Variants in BABAM2 observed in about 807,000 individuals in gnomAD.
BABAM2 encodes the protein BRISC and BRCA1-A complex member 2.
In BABAM2, 31 loss-of-function variants were observed where a neutral mutation model predicts 54.7. That is an observed-to-expected ratio of 0.57 (90% CI 0.43 to 0.77). The LOEUF (loss-of-function observed/expected upper bound fraction) is 0.77. Among genes scored for constraint, BABAM2 ranks in the 30% least tolerant of loss-of-function variants. The pLI is 0.00. For synonymous variants in BABAM2, 167 were observed against 162.9 expected (o/e 1.03, Z -0.19); for missense variants, 364 against 455.8 (o/e 0.80, Z 1.83).
At chr2:28,005,715 A>G (rs1673906936) in intron 4 of BABAM2, among the ~76,000 whole-genome samples, 1 of 152,124 alleles carries the variant, frequency 6.6e-6, no homozygotes, top group Admixed American at 6.5e-5. Context: ...ATTAATTACA[A>G]CTGTAGAATT....
intron 11 of BABAM2, among the ~76,000 whole-genome samples, chr2:28,316,407 A>G (rs192901272): frequency 0.09 from 1,229 of 13,706 alleles, 42 homozygotes; most frequent in African/African-American, 0.18. Flanking sequence ...TGGGGGTGGG[A>G]GTGGGGGTGG....
At chr2:27,943,570 G>A (rs573052255) in intron 3 of BABAM2, among the ~76,000 whole-genome samples, 1 of 152,284 alleles carries the variant, frequency 6.6e-6, no homozygotes, top group East Asian at 1.9e-4. Flanking sequence ...CTATTTAGGA[G>A]GCTCCCTAGA....
chr2:28,290,519 T>C (rs1390498362), intron 10 of BABAM2, among the ~76,000 whole-genome samples: 2 of 152,242 alleles, frequency 1.3e-5, no homozygotes, highest in South Asian at 2.1e-4. Context: ...TGGAAGTTCA[T>C]TGAGGTTTTA....
At chr2:28,335,579 A>G (rs1010755547) in intron 11 of BABAM2, among the ~76,000 whole-genome samples, 7 of 152,230 alleles carry the variant, frequency 4.6e-5, no homozygotes, top group African/African-American at 1.4e-4. Flanking sequence ...AGTGCTTTCT[A>G]CACTGAGCCA....
rs186336050 is a variant in BABAM2 at position 28,275,289 on chromosome 2, C to A, written c.935-23049C>A. 1.5e-3 allele frequency among the ~76,000 whole-genome samples: 229 copies of A among 152,334 alleles called. 2 individuals are homozygous for A. Among genetic ancestry groups the A allele is most frequent in the Admixed American group, 5.5e-3 (84 of 15,300 alleles). On this transcript the variant is annotated intron_variant, in intron 10 of 11. Coordinates refer to ENST00000379624, the MANE Select transcript of BABAM2 (RefSeq NM_199191.3). ...GCCTGTTGGTATTAGTAATTTCATT[C>A]CTGGCCAAACATGAATGAGAAATCC...
intron 5 of BABAM2, among the ~76,000 whole-genome samples, chr2:28,029,434 TATGG>T (rs762587530): frequency 4.9e-4 from 74 of 152,324 alleles, no homozygotes; most frequent in Non-Finnish European, 1.0e-3. Flanking sequence ...AGATACTTCA[TATGG>T]GTAGAATTGT....
chr2:28,088,386 T>C (rs1573553387), intron 6 of BABAM2, among the ~76,000 whole-genome samples: 1 of 152,348 alleles, frequency 6.6e-6, no homozygotes, highest in Admixed American at 6.5e-5. Flanking sequence ...GTGACTGCCA[T>C]AGTTCTTTAC....
Position 28,252,796 on chromosome 2 carries a change from T to C in BABAM2, c.934+7934T>C, listed in dbSNP as rs142925010. On this transcript the variant is annotated intron_variant, in intron 10 of 11. Coordinates refer to ENST00000379624, the MANE Select transcript of BABAM2 (RefSeq NM_199191.3). ...TATGTTGTATGAATCTTTTCAGTTG[T>C]AATTATTGGATTAAGTAATTGCCAA... Among the ~76,000 whole-genome samples the C allele has an allele frequency of 4.6e-3, 700 of 152,376 alleles. 6 individuals carry two copies. The highest frequency in any genetic ancestry group is 0.016 in the African/African-American group (671 of 41,588).
intron 11 of BABAM2, among the ~76,000 whole-genome samples, chr2:28,311,379 G>A (rs920725254): frequency 6.6e-6 from 1 of 152,150 alleles, no homozygotes; most frequent in African/African-American, 2.4e-5. Flanking sequence ...TTGTGAGTTA[G>A]GGTCACGTAT....
In BABAM2 at chr2:28,112,083, C is replaced by CTT. The variant is rs1491267107; in HGVS notation, c.571-17187_571-17186insTT. Among the ~76,000 whole-genome samples the CTT allele has an allele frequency of 1.2e-4, 12 of 98,812 alleles. No homozygotes were observed. The East Asian group carries it at 1.5e-3, about 12-fold the overall frequency. The allele number at this position is 98,812 out of a possible 152,430, so 64.8% of individuals were successfully genotyped here. A position where few individuals can be genotyped will look rare whatever the true frequency, so the allele number is the denominator to read the frequency against. ...ATACTTTTTCTTGAGATACCCATTACTCTTTCTTTCTTTCTTTCTTTCTTT... is the reference window on the plus strand; with the variant it reads ...ATACTTTTTCTTGAGATACCCATTACTTTCTTTCTTTCTTTCTTTCTTTCTTT... On this transcript the variant is annotated intron_variant, in intron 6 of 11. Coordinates refer to ENST00000379624, the MANE Select transcript of BABAM2 (RefSeq NM_199191.3).
At chr2:27,993,519 A>G (rs1165749475) in intron 4 of BABAM2, among the ~76,000 whole-genome samples, 6 of 152,200 alleles carry the variant, frequency 3.9e-5, no homozygotes. Context: ...ATCTCCCTCA[A>G]AGGATATTAT....
chr2:28,139,922 T>G (rs1364997785), intron 7 of BABAM2, among the ~76,000 whole-genome samples: 1 of 152,196 alleles, frequency 6.6e-6, no homozygotes, highest in African/African-American at 2.4e-5. Context: ...TCAGTCTAGT[T>G]GCCACATTAC....
At chr2:28,080,486 C>T (rs1306443295) in intron 6 of BABAM2, among the ~76,000 whole-genome samples, 1 of 152,066 alleles carries the variant, frequency 6.6e-6, no homozygotes, top group Non-Finnish European at 1.5e-5. Context: ...AGACTACCTG[C>T]CTCAAAAATC....
intron 11 of BABAM2, chr2:28,327,253 C>T (rs775758224): frequency 1.9e-6 from 3 of 1,589,458 alleles, no homozygotes; most frequent in Non-Finnish European, 2.6e-6. Context: ...TTCTCCTCCT[C>T]CTTCTCATCT....
At chr2:28,150,936 G>A (rs1449134347) in intron 7 of BABAM2, among the ~76,000 whole-genome samples, 1 of 152,178 alleles carries the variant, frequency 6.6e-6, no homozygotes, top group East Asian at 1.9e-4. Flanking sequence ...CAATGTCCTT[G>A]CCAATGATAG....
At chr2:28,270,506 T>C (rs1038628241) in intron 10 of BABAM2, among the ~76,000 whole-genome samples, 1 of 152,220 alleles carries the variant, frequency 6.6e-6, no homozygotes, top group Non-Finnish European at 1.5e-5. Flanking sequence ...CTGGCACCTA[T>C]GTGCACACTC....
intron 6 of BABAM2, among the ~76,000 whole-genome samples, chr2:28,112,230 T>TTCCTTCCTTCCTTCCTTCCTTC (rs1455321602): frequency 1.3e-5 from 1 of 74,830 alleles, no homozygotes; most frequent in South Asian, 7.5e-4. Flanking sequence ...TTCCTTCCTT[T>TTCCTTCCTTCCTTCCTTCCTTC]AAGTTCTGGG....
chr2:28,025,501 A>G, intron 5 of BABAM2, 81 bp downstream of exon 5: 1 of 1,330,302 alleles, frequency 7.5e-7, no homozygotes, highest in Non-Finnish European at 1.0e-6. Context: ...TGTAAATCCT[A>G]GTCATTTCTT....
intron 11 of BABAM2, among the ~76,000 whole-genome samples, chr2:28,306,635 G>A (rs1207727280): frequency 6.6e-6 from 1 of 151,358 alleles, no homozygotes; most frequent in African/African-American, 2.4e-5. Flanking sequence ...GTAGACCTTG[G>A]GTTTTTTAAT....
Sources: gnomAD v4.1 joint callset for allele counts (sites outside exome capture counted in the v4.1 genomes callset) on GRCh38, gnomAD v4.1.1 for gene constraint, MANE v1.5 for transcripts, NCBI Gene and HGNC (gene_info 2026-07-23, HGNC 2026-07-21) for gene names.